Variants in ANKRD6 observed in about 807,000 individuals in gnomAD.
The protein encoded by ANKRD6 is ankyrin repeat domain-containing protein 6.
In ANKRD6, 56 loss-of-function variants were observed where a neutral mutation model predicts 82.3. The observed-to-expected ratio is 0.68, with a 90% CI of 0.55 to 0.85. ANKRD6 has a LOEUF of 0.85. Ranked by LOEUF, ANKRD6 falls within the 40% of genes least tolerant of loss-of-function variation. The pLI, the probability that ANKRD6 is intolerant of heterozygous loss-of-function variation, is 0.00. For synonymous variants in ANKRD6, 347 were observed against 352.1 expected (o/e 0.99, Z 0.16); for missense variants, 852 against 907.6 (o/e 0.94, Z 0.79).
intron 9 of ANKRD6, among the ~76,000 whole-genome samples, chr6:89,619,097 T>C (rs1318993368): frequency 6.6e-6 from 1 of 152,144 alleles, no homozygotes; most frequent in African/African-American, 2.4e-5. Flanking sequence ...CTGGAAATGG[T>C]TAAGATTTTT....
At chr6:89,482,976 A>G (rs537768959) in intron 1 of ANKRD6, among the ~76,000 whole-genome samples, 1 of 152,238 alleles carries the variant, frequency 6.6e-6, no homozygotes, top group African/African-American at 2.4e-5. Flanking sequence ...ACATCACACC[A>G]TTGTCTCATA....
chr6:89,506,681 C>G (rs1338457921), intron 1 of ANKRD6, among the ~76,000 whole-genome samples: 1 of 152,186 alleles, frequency 6.6e-6, no homozygotes, highest in African/African-American at 2.4e-5. Context: ...AACAAAAACC[C>G]ACTTCCCATT....
intron 2 of ANKRD6, among the ~76,000 whole-genome samples, chr6:89,576,777 TA>T (rs1315039421): frequency 6.6e-6 from 1 of 152,120 alleles, no homozygotes; most frequent in Non-Finnish European, 1.5e-5. Flanking sequence ...TTCCTGCCTC[TA>T]AAATTGGCTT....
chr6:89,453,748 T>C (rs1438938933), intron 1 of ANKRD6, among the ~76,000 whole-genome samples: 1 of 142,372 alleles, frequency 7.0e-6, no homozygotes, highest in Non-Finnish European at 1.5e-5. Context: ...CTAATTTTTG[T>C]ATTTTTTATT....
intron 1 of ANKRD6, among the ~76,000 whole-genome samples, chr6:89,483,078 C>T (rs1442272545): frequency 6.6e-6 from 1 of 152,030 alleles, no homozygotes; most frequent in Non-Finnish European, 1.5e-5. Context: ...TGTCTTTTTT[C>T]CTTTGGGCTC....
intron 2 of ANKRD6, among the ~76,000 whole-genome samples, chr6:89,583,399 A>T (rs1324683722): frequency 6.6e-6 from 1 of 152,242 alleles, no homozygotes; most frequent in Non-Finnish European, 1.5e-5. Context: ...GAGATAATGC[A>T]TGGAAAATTA....
intron 1 of ANKRD6, among the ~76,000 whole-genome samples, chr6:89,473,307 A>T (rs557481484): frequency 6.6e-6 from 1 of 151,980 alleles, no homozygotes; most frequent in South Asian, 2.1e-4. Context: ...GCTACTCGGG[A>T]GGCTGAGGCA....
At chr6:89,462,865 G>GT (rs751083567) in intron 1 of ANKRD6, among the ~76,000 whole-genome samples, 2,324 of 127,476 alleles carry the variant, frequency 0.018, 34 homozygotes, top group Middle Eastern at 0.05. Context: ...TGAGTTTTTA[G>GT]TTTTTTTTTT....
At chr6:89,506,993 A>C (rs1246865018) in intron 1 of ANKRD6, among the ~76,000 whole-genome samples, 3 of 152,242 alleles carry the variant, frequency 2.0e-5, no homozygotes, top group Admixed American at 6.5e-5. Flanking sequence ...AATATAAATA[A>C]GACTCTATGC....
Position 89,497,152 on chromosome 6 carries a change from T to C in ANKRD6, c.-144+63777T>C, listed in dbSNP as rs573357188. 2.0e-5 allele frequency among the ~76,000 whole-genome samples: 3 copies of C among 152,292 alleles called. No homozygotes were observed. In the East Asian group the frequency reaches 5.8e-4, roughly 29 times the overall value. On this transcript the variant is annotated intron_variant, in intron 1 of 15. Transcript: ENST00000339746. ...TGAACAGATTAGATTCTCCCAAAAGTTTAAAAAACAAACAAAAAATTACTT... is the reference window on the plus strand; with the variant it reads ...TGAACAGATTAGATTCTCCCAAAAGCTTAAAAAACAAACAAAAAATTACTT...
rs1026479462 is a variant in ANKRD6, at chr6:89,450,229, C to T, written c.-144+16854C>T. ...GCAGGCGCCTATAATCCCAGCTACTCGGGAGGCTGAGGCAGGAGAATCACT... is the reference window on the plus strand; with the variant it reads ...GCAGGCGCCTATAATCCCAGCTACTTGGGAGGCTGAGGCAGGAGAATCACT... On this transcript the variant is annotated intron_variant, in intron 1 of 15. Transcript: ENST00000339746. Among the ~76,000 whole-genome samples the T allele has an allele frequency of 4.6e-5, 7 of 151,688 alleles. No individual in the cohort carries two copies. In the South Asian group the frequency reaches 1.0e-3, roughly 23 times the overall value.
intron 1 of ANKRD6, among the ~76,000 whole-genome samples, chr6:89,438,100 G>T (rs2127927420): frequency 6.6e-6 from 1 of 152,282 alleles, no homozygotes; most frequent in South Asian, 2.1e-4. Flanking sequence ...CTCAATAGTT[G>T]CATTTATCTT....
chr6:89,573,598 C>T (rs1790443223), intron 2 of ANKRD6, among the ~76,000 whole-genome samples: 1 of 152,210 alleles, frequency 6.6e-6, no homozygotes, highest in Non-Finnish European at 1.5e-5. Context: ...TGATACTGCA[C>T]ATTCTTTGAT....
At position 89,630,341 on chromosome 6, in the gene ANKRD6, C is replaced by T. The variant is rs983157384; in HGVS notation, c.1613-92C>T. 7.2e-5 allele frequency: 104 copies of T among 1,439,520 alleles called. No individual in the cohort carries two copies. In the South Asian group the frequency reaches 8.3e-4, roughly 11 times the overall value. The allele number at this position is 1,439,520 out of a possible 1,614,324, so 89.2% of individuals were successfully genotyped here. ...GGTGATGGAGAAGGCTGGTGATATA[C>T]AGGATCCTTAAGACTCTAAAATACT... On this transcript the variant is annotated intron_variant, in intron 15 of 15. Coordinates refer to ENST00000339746, the MANE Select transcript of ANKRD6 (RefSeq NM_001242809.2).
At chr6:89,528,219 C>G (rs1782747035) in intron 1 of ANKRD6, among the ~76,000 whole-genome samples, 1 of 152,236 alleles carries the variant, frequency 6.6e-6, no homozygotes, top group African/African-American at 2.4e-5. Flanking sequence ...ACTTTACTCA[C>G]AGTAGAACTT....
chr6:89,522,796 G>A (rs1206964310), intron 1 of ANKRD6, among the ~76,000 whole-genome samples: 1 of 152,160 alleles, frequency 6.6e-6, no homozygotes, highest in African/African-American at 2.4e-5. Flanking sequence ...AGGAGGAAGA[G>A]TCTCATAGCC....
intron 5 of ANKRD6, among the ~76,000 whole-genome samples, chr6:89,610,718 A>G (rs1800010055): frequency 6.6e-6 from 1 of 152,036 alleles, no homozygotes; most frequent in African/African-American, 2.4e-5. Context: ...GCTGAGAACT[A>G]AACTAGCAGT....
chr6:89,471,939 CAAAAAAAA>C (rs749607605), intron 1 of ANKRD6, among the ~76,000 whole-genome samples: 4 of 52,604 alleles, frequency 7.6e-5, no homozygotes, highest in Non-Finnish European at 1.3e-4. Flanking sequence ...AACTCCATCT[CAAAAAAAA>C]AAAAAAAAAA....
chr6:89,569,787 A>G (rs909638999), intron 2 of ANKRD6, among the ~76,000 whole-genome samples: 1 of 152,090 alleles, frequency 6.6e-6, no homozygotes, highest in African/African-American at 2.4e-5. Flanking sequence ...TTGCTTTTTC[A>G]TAGTTATCTT....
Sources: allele counts gnomAD v4.1 joint callset (sites outside exome capture counted in the v4.1 genomes callset), GRCh38; gene constraint gnomAD v4.1.1; transcripts MANE v1.5; gene names NCBI Gene and HGNC (gene_info 2026-07-23, HGNC 2026-07-21).